The following SV2B variants were observed in gnomAD, a reference collection of about 807,000 sequenced individuals.
The protein encoded by SV2B is synaptic vesicle glycoprotein 2B, also known as solute carrier family 22 member B2.
In SV2B, 41 loss-of-function variants were observed where a neutral mutation model predicts 73.9. The ratio of observed to expected loss-of-function variants is 0.56; its 90% confidence interval spans 0.43 to 0.72. The LOEUF (loss-of-function observed/expected upper bound fraction) is 0.72, where lower values mean the gene tolerates loss of function less well. Ranked by LOEUF, SV2B falls within the 30% of genes least tolerant of loss-of-function variation. The probability of loss-of-function intolerance (pLI) is 0.00; values close to 1 mark genes in which losing one functional copy is unlikely to be tolerated. For missense variants in SV2B, 764 were observed against 857.8 expected (o/e 0.89, Z 1.37); for synonymous variants, 314 against 314.2 (o/e 1.00, Z 0.01).
intron 1 of SV2B, among the ~76,000 whole-genome samples, chr15:91,181,543 T>C (rs564796326): frequency 6.6e-6 from 1 of 151,678 alleles, no homozygotes; most frequent in Non-Finnish European, 1.5e-5. Flanking sequence ...GACTCCTACA[T>C]GAAAGAAGTG....
At chr15:91,254,506 G>A (rs924903751) in intron 4 of SV2B, among the ~76,000 whole-genome samples, 1 of 152,036 alleles carries the variant, frequency 6.6e-6, no homozygotes, top group Non-Finnish European at 1.5e-5. Context: ...CAAAGTGCTG[G>A]GATTACAGAT....
rs1259149657 is a variant in SV2B, at chr15:91,196,084, A to G, written c.-391-29789A>G. On this transcript the variant is annotated intron_variant, in intron 1 of 12. Transcript: ENST00000394232. ...ATAATTTATTAAAGATTGGCTGCTA[A>G]AAGAGTCTTCTTTCAAAAATAAATC... Among the ~76,000 whole-genome samples the G allele has an allele frequency of 2.6e-5, 4 of 152,362 alleles. No homozygotes were observed. The South Asian group carries it at 6.2e-4, about 24-fold the overall frequency.
At chr15:91,204,648 C>T (rs1014057030) in intron 1 of SV2B, among the ~76,000 whole-genome samples, 5 of 150,920 alleles carry the variant, frequency 3.3e-5, no homozygotes, top group African/African-American at 4.9e-5. Context: ...CCTTGAACCT[C>T]CTGGGCTCAA....
rs1445643662 is a variant in SV2B at position 91,197,309 on chromosome 15, A to G, written c.-391-28564A>G. Among the ~76,000 whole-genome samples, 1 of 151,504 alleles carries G rather than the reference A, an allele frequency of 6.6e-6. No homozygotes were observed. The highest frequency in any genetic ancestry group is 1.5e-5 in the Non-Finnish European group (1 of 67,890). On this transcript the variant is annotated intron_variant, in intron 1 of 12. Transcript: ENST00000394232. This position sits in a 1 kb window ranked among gnomAD's most constrained non-coding sequence, Gnocchi z 4.9. ...AATGGCATGATCTCAGCTCACCGCA[A>G]CCTCTGCTTCCTGGGTTCAAGCAAT...
chr15:91,226,198 C>G lies in SV2B; in HGVS notation c.-66C>G. The G allele has an allele frequency of 6.7e-7, 1 of 1,501,264 alleles. No individual in the cohort carries two copies. Among genetic ancestry groups the G allele is most frequent in the Non-Finnish European group, 9.2e-7 (1 of 1,092,604 alleles). The allele number at this position is 1,501,264 out of a possible 1,614,324, so 93.0% of individuals were successfully genotyped here. Reference sequence around the variant, plus strand: ...AATGAATGATGGTTATTGAAATAGCCCAAACCTCTACCACAGAGCGAGGGA... The same window carrying G: ...AATGAATGATGGTTATTGAAATAGCGCAAACCTCTACCACAGAGCGAGGGA... On this transcript the variant is annotated 5_prime_UTR_variant, in exon 2 of 13. Coordinates refer to ENST00000394232, the MANE Select transcript of SV2B (RefSeq NM_001323032.3).
At chr15:91,187,369 A>T (rs1053265870) in intron 1 of SV2B, among the ~76,000 whole-genome samples, 4 of 152,144 alleles carry the variant, frequency 2.6e-5, no homozygotes, top group Non-Finnish European at 5.9e-5. Context: ...TTAATCGATA[A>T]TTTTTTACGT....
At chr15:91,201,579 C>A (rs2045462066) in intron 1 of SV2B, among the ~76,000 whole-genome samples, 1 of 152,200 alleles carries the variant, frequency 6.6e-6, no homozygotes, top group South Asian at 2.1e-4. Context: ...TTCCATGACT[C>A]CCTATCTCCT....
At position 91,141,046 on chromosome 15, in the gene SV2B, G is replaced by A. The variant is rs900239424; in HGVS notation, c.-392+40683G>A. On this transcript the variant is annotated intron_variant, in intron 1 of 12. Transcript: ENST00000394232. The surrounding 1 kb of genome is among the most constrained non-coding windows in gnomAD (Gnocchi z 4.6). ...AGTGCTACAAGCACTCAGGTGGCAG[G>A]ACTTATAGCTAAGAGTGGCATAGGA... Among the ~76,000 whole-genome samples the A allele has an allele frequency of 5.3e-5, 8 of 152,192 alleles. No homozygotes were observed. The highest frequency in any genetic ancestry group is 7.2e-5 in the African/African-American group (3 of 41,444).
At chr15:91,176,365 C>G (rs1460549150) in intron 1 of SV2B, among the ~76,000 whole-genome samples, 1 of 151,504 alleles carries the variant, frequency 6.6e-6, no homozygotes, top group Non-Finnish European at 1.5e-5. Flanking sequence ...GTGCATGTGT[C>G]TTTATAGCAG....
At position 91,241,538 on chromosome 15, in the gene SV2B, C is replaced by G. The variant is rs531138194; in HGVS notation, c.452-10281C>G. Among the ~76,000 whole-genome samples the G allele has an allele frequency of 1.3e-5, 2 of 152,080 alleles. No individual in the cohort carries two copies. The highest frequency in any genetic ancestry group is 1.3e-4 in the Admixed American group (2 of 15,266). Reference sequence around the variant, plus strand: ...GTCTTATCCACTATTTTCCAATTTCCAGCATCTCTTCCTCATCTTCACTCT... The same window carrying G: ...GTCTTATCCACTATTTTCCAATTTCGAGCATCTCTTCCTCATCTTCACTCT... On this transcript the variant is annotated intron_variant, in intron 2 of 12. Coordinates refer to ENST00000394232, the MANE Select transcript of SV2B (RefSeq NM_001323032.3). This position sits in a 1 kb window ranked among gnomAD's most constrained non-coding sequence, Gnocchi z 4.8.
chr15:91,185,811 A>C (rs1436594524), intron 1 of SV2B, among the ~76,000 whole-genome samples: 1 of 152,246 alleles, frequency 6.6e-6, no homozygotes, highest in Non-Finnish European at 1.5e-5. Flanking sequence ...CTTAAAGCAC[A>C]GGAGAGTTCA....
chr15:91,189,942 T>G (rs1025351889), intron 1 of SV2B, among the ~76,000 whole-genome samples: 1 of 151,958 alleles, frequency 6.6e-6, no homozygotes, highest in African/African-American at 2.4e-5. Context: ...GAGCTGAGAT[T>G]GCGCCACTGC....
intron 1 of SV2B, chr15:91,101,982 A>G (rs1224067875): frequency 1.3e-5 from 2 of 152,194 alleles, no homozygotes; most frequent in Non-Finnish European, 1.5e-5. Flanking sequence ...TTCAGAGCAG[A>G]TGAACTTCTG....
chr15:91,168,331 A>AG lies in SV2B; in HGVS notation c.-391-57542_-391-57541insG, dbSNP rs58086579. Among the ~76,000 whole-genome samples the AG allele has an allele frequency of 4.4e-3, 664 of 151,036 alleles. 5 individuals are homozygous for AG. Among genetic ancestry groups the AG allele is most frequent in the African/African-American group, 0.015 (617 of 40,950 alleles). On this transcript the variant is annotated intron_variant, in intron 1 of 12. Transcript: ENST00000394232. The stretch of plus-strand genomic sequence containing the variant: ...GAGAGAGAGAGAGAGAGAGAGAGAG[A>AG]AAAGAAATTTCTCACACACTCTTCA...
intron 1 of SV2B, among the ~76,000 whole-genome samples, chr15:91,209,622 GA>G (rs2045781097): frequency 6.6e-6 from 1 of 152,188 alleles, no homozygotes; most frequent in East Asian, 1.9e-4. Flanking sequence ...AATATATGGG[GA>G]AGCCCAGATA....
chr15:91,194,303 T>G (rs988598039), intron 1 of SV2B, among the ~76,000 whole-genome samples: 1 of 152,244 alleles, frequency 6.6e-6, no homozygotes, highest in African/African-American at 2.4e-5. Context: ...AAGGTGTGAC[T>G]TTGGGCCAGC....
chr15:91,118,170 T>A lies in SV2B; in HGVS notation c.-392+17807T>A, dbSNP rs575670629. On this transcript the variant is annotated intron_variant, in intron 1 of 12. Transcript: ENST00000394232. This position sits in a 1 kb window ranked among gnomAD's most constrained non-coding sequence, Gnocchi z 4.7. ...AAAGGGCCTCCAAGAGACTCCCTTA[T>A]GGGGAGTGGAGATGCTTGCAAAAAG... Among the ~76,000 whole-genome samples the A allele has an allele frequency of 6.6e-6, 1 of 152,148 alleles. No homozygotes were observed. The highest frequency in any genetic ancestry group is 1.5e-5 in the Non-Finnish European group (1 of 68,006).
intron 1 of SV2B, among the ~76,000 whole-genome samples, chr15:91,149,862 T>C (rs1372711783): frequency 6.6e-6 from 1 of 152,308 alleles, no homozygotes; most frequent in African/African-American, 2.4e-5. Flanking sequence ...AAATGTGTCA[T>C]AGAAATTAAT....
chr15:91,216,886 CTTTT>C (rs557223668), intron 1 of SV2B, among the ~76,000 whole-genome samples: 6 of 126,582 alleles, frequency 4.7e-5, no homozygotes, highest in East Asian at 4.5e-4. Flanking sequence ...GAATAACTAC[CTTTT>C]TTTTTTTTTT....
Sources: gnomAD v4.1 joint callset for allele counts (sites outside exome capture counted in the v4.1 genomes callset) on GRCh38, gnomAD v4.1.1 for gene constraint, Gnocchi (gnomAD v3.1) non-coding constraint, MANE v1.5 for transcripts, NCBI Gene and HGNC (gene_info 2026-07-23, HGNC 2026-07-21) for gene names.